Variants in CRIM1 observed in about 807,000 individuals in gnomAD.
CRIM1 encodes cysteine-rich motor neuron 1 protein.
In CRIM1, 32 loss-of-function variants were observed where a neutral mutation model predicts 116.4. The ratio of observed to expected loss-of-function variants is 0.27; its 90% CI spans 0.21 to 0.37. The LOEUF is 0.37. Among genes scored for constraint, CRIM1 ranks in the 10% least tolerant of loss-of-function variants. CRIM1 has a pLI of 1.00. For missense variants in CRIM1, 1,331 were observed against 1,354.8 expected, an observed-to-expected ratio of 0.98 and a Z score of 0.28; for synonymous variants, 590 against 509.2, an observed-to-expected ratio of 1.16 and a Z score of -2.13.
intron 2 of CRIM1, among the ~76,000 whole-genome samples, chr2:36,431,844 C>G (rs893494898): frequency 6.6e-6 from 1 of 152,206 alleles, no homozygotes; most frequent in African/African-American, 2.4e-5. Flanking sequence ...TTCACTCTGA[C>G]ATATTTAAAA....
chr2:36,442,958 TGTA>T (rs1377078758), intron 4 of CRIM1, among the ~76,000 whole-genome samples: 5 of 152,196 alleles, frequency 3.3e-5, no homozygotes, highest in African/African-American at 1.2e-4. Flanking sequence ...AGATTCTTTC[TGTA>T]AGGGTGCCTG....
chr2:36,407,025 C>T (rs1419970445), intron 2 of CRIM1, among the ~76,000 whole-genome samples: 2 of 152,178 alleles, frequency 1.3e-5, no homozygotes, highest in Non-Finnish European at 2.9e-5. Flanking sequence ...CGTTTAACCT[C>T]ACCTTCTGCG....
At chr2:36,421,032 A>G (rs537548723) in intron 2 of CRIM1, among the ~76,000 whole-genome samples, 1 of 152,310 alleles carries the variant, frequency 6.6e-6, no homozygotes, top group Admixed American at 6.5e-5. Flanking sequence ...GCTTAGAGGA[A>G]ATTTTATTGC....
At chr2:36,376,928 G>A (rs957714825) in intron 1 of CRIM1, among the ~76,000 whole-genome samples, 1 of 152,216 alleles carries the variant, frequency 6.6e-6, no homozygotes, top group Non-Finnish European at 1.5e-5. Flanking sequence ...ACCCCCATGT[G>A]TCTGTGTATC....
chr2:36,449,082 TCTG>T (rs1398786837), intron 4 of CRIM1, among the ~76,000 whole-genome samples: 4 of 152,008 alleles, frequency 2.6e-5, no homozygotes, highest in African/African-American at 9.7e-5. Flanking sequence ...TGTTAGATTA[TCTG>T]TCAGCTAATA....
At chr2:36,441,609 C>G (rs1558588111) in intron 3 of CRIM1, 109 bp downstream of exon 3, 17 of 1,395,190 alleles carry the variant, frequency 1.2e-5, no homozygotes, top group Non-Finnish European at 1.7e-5. Context: ...GGCCTTCTCA[C>G]CGGTGTCCTG....
chr2:36,368,287 C>A (rs1669726857), intron 1 of CRIM1, among the ~76,000 whole-genome samples: 1 of 152,224 alleles, frequency 6.6e-6, no homozygotes, highest in Non-Finnish European at 1.5e-5. Context: ...TGCGCAAGCT[C>A]CCTCACCTCT....
chr2:36,414,809 G>C (rs999156796), intron 2 of CRIM1, among the ~76,000 whole-genome samples: 1 of 152,328 alleles, frequency 6.6e-6, no homozygotes, highest in African/African-American at 2.4e-5. Context: ...AGTGGCAGAA[G>C]AGGAAGCTGG....
At chr2:36,385,442 G>C (rs553159885) in intron 1 of CRIM1, among the ~76,000 whole-genome samples, 2 of 152,148 alleles carry the variant, frequency 1.3e-5, no homozygotes, top group African/African-American at 2.4e-5. Context: ...GAAGGTCTTA[G>C]CAAAGAACCT....
At chr2:36,544,332 C>T (rs774086641) in intron 14 of CRIM1, 44 bp from the exon 15 acceptor site, 2 of 1,312,024 alleles carry the variant, frequency 1.5e-6, no homozygotes, top group Non-Finnish European at 9.8e-7. Context: ...GCCAACAATA[C>T]AGCAGCTTCA....
At chr2:36,543,653 C>G (rs1463904612) in intron 14 of CRIM1, among the ~76,000 whole-genome samples, 6 of 150,072 alleles carry the variant, frequency 4.0e-5, no homozygotes, top group African/African-American at 1.5e-4. Flanking sequence ...AGTATAAATA[C>G]AAAGAAATAT....
Position 36,550,031 on chromosome 2 carries a change from G to A in CRIM1, c.*1330G>A, listed in dbSNP as rs1397722565. ...AGTTTAATTGGAAAGATGTGTGTGT[G>A]AGAGTATGTATGTGTGTGTGTGTGT... On this transcript the variant is annotated 3_prime_UTR_variant, in exon 17 of 17. Transcript: ENST00000280527. 1.3e-5 allele frequency: 2 copies of A among 149,650 alleles called. No homozygotes were observed. The highest frequency in any genetic ancestry group is 2.5e-5 in the African/African-American group (1 of 39,640). The allele number at this position is 149,650 out of a possible 1,614,324, so 9.3% of individuals were successfully genotyped here. A position where few individuals can be genotyped will look rare whatever the true frequency, so the allele number is the denominator to read the frequency against.
Position 36,378,806 on chromosome 2 carries a change from G to GGTTT in CRIM1, c.332-17808_332-17807insGTTT, listed in dbSNP as rs1553368331. ...GATGGGAGTTTTTTTGTTGTTTTCG[G>GGTTT]TTTTTTTTTTTTTTTTTTTTGAGAC... is the stretch of plus-strand genomic sequence containing the variant. On this transcript the variant is annotated intron_variant, in intron 1 of 16. Transcript: ENST00000280527. 8.0e-3 allele frequency: 954 copies of GGTTT among 118,734 alleles called. 15 individuals are homozygous for GGTTT. Among genetic ancestry groups the GGTTT allele is most frequent in the South Asian group, 0.015 (54 of 3,692 alleles). The allele number at this position is 118,734 out of a possible 1,614,324, so 7.4% of individuals were successfully genotyped here.
In CRIM1 at chr2:36,482,354, A is replaced by G. The variant is rs189628502; in HGVS notation, c.1372+2660A>G. Among the ~76,000 whole-genome samples the G allele has an allele frequency of 9.3e-4, 141 of 152,312 alleles. 1 individual carries two copies. Among genetic ancestry groups the G allele is most frequent in the African/African-American group, 3.3e-3 (137 of 41,570 alleles). On this transcript the variant is annotated intron_variant, in intron 7 of 16. Transcript: ENST00000280527. The stretch of plus-strand genomic sequence containing the variant: ...ACACAGATTATTTTAGTATAGGATT[A>G]AAAAACAGTGCACAGCTTAAGATAA...
At chr2:36,509,936 G>C (rs1221787795) in intron 8 of CRIM1, 47 bp from the exon 9 acceptor site, 2 of 1,581,842 alleles carry the variant, frequency 1.3e-6, no homozygotes, top group Non-Finnish European at 1.7e-6. Context: ...GAAGTGTTCT[G>C]CTCTGTTCAT....
chr2:36,391,921 G>T (rs4670552), intron 1 of CRIM1, among the ~76,000 whole-genome samples: 90,162 of 151,976 alleles, frequency 0.59, 27,066 homozygotes, highest in African/African-American at 0.69. Flanking sequence ...AAATGGTAAG[G>T]AATTAAAATA....
intron 1 of CRIM1, among the ~76,000 whole-genome samples, chr2:36,384,223 G>A (rs1354964130): frequency 6.6e-6 from 1 of 152,208 alleles, no homozygotes; most frequent in Non-Finnish European, 1.5e-5. Flanking sequence ...CCAGACAGAG[G>A]GAACACAAGT....
At chr2:36,393,009 G>A (rs767439125) in intron 1 of CRIM1, among the ~76,000 whole-genome samples, 1 of 152,186 alleles carries the variant, frequency 6.6e-6, no homozygotes, top group Non-Finnish European at 1.5e-5. Flanking sequence ...GCAGAAAACA[G>A]CAAGGGGCCA....
At chr2:36,486,950 A>G (rs534767824) in intron 7 of CRIM1, among the ~76,000 whole-genome samples, 1 of 152,322 alleles carries the variant, frequency 6.6e-6, no homozygotes, top group East Asian at 1.9e-4. Flanking sequence ...GAAGGTTATT[A>G]AGAGACATGC....
Sources: allele counts gnomAD v4.1 joint callset (sites outside exome capture counted in the v4.1 genomes callset), GRCh38; gene constraint gnomAD v4.1.1; transcripts MANE v1.5; gene names NCBI Gene and HGNC (gene_info 2026-07-23, HGNC 2026-07-21).